KCNH5: variants seen among roughly 807,000 people sequenced by gnomAD.
KCNH5 encodes voltage-gated delayed rectifier potassium channel KCNH5.
Under a neutral mutation model 96.1 loss-of-function variants are expected in KCNH5, and 46 were observed. That is an observed-to-expected ratio of 0.48 (90% CI 0.38 to 0.61). The LOEUF is 0.61. Among genes scored for constraint, KCNH5 ranks in the 20% least tolerant of loss-of-function variants. KCNH5 has a pLI of 0.00. For missense variants in KCNH5, 907 were observed against 1,225.8 expected (o/e 0.74, Z 3.88); for synonymous variants, 439 against 449.8 (o/e 0.98, Z 0.30).
intron 7 of KCNH5, among the ~76,000 whole-genome samples, chr14:62,888,208 A>C (rs1366353097): frequency 6.6e-6 from 1 of 152,214 alleles, no homozygotes; most frequent in African/African-American, 2.4e-5. Flanking sequence ...AATGAAGTTT[A>C]ATTTTATCTT....
chr14:62,816,410 T>C (rs2140012497), intron 8 of KCNH5, among the ~76,000 whole-genome samples: 1 of 152,068 alleles, frequency 6.6e-6, no homozygotes, highest in Admixed American at 6.6e-5. Flanking sequence ...GAGTACAAGC[T>C]CTTCCTTTCA....
chr14:62,868,122 G>A (rs1888172064), intron 7 of KCNH5, among the ~76,000 whole-genome samples: 1 of 152,170 alleles, frequency 6.6e-6, no homozygotes, highest in African/African-American at 2.4e-5. Flanking sequence ...TGAGTGAGGG[G>A]GTAAATCCTG....
chr14:62,790,513 T>C (rs1053476482), intron 9 of KCNH5, among the ~76,000 whole-genome samples: 1 of 151,838 alleles, frequency 6.6e-6, no homozygotes, highest in Non-Finnish European at 1.5e-5. Context: ...TTAACAATAT[T>C]AATTCTTATA....
At chr14:62,741,743 C>T (rs1044494286) in intron 10 of KCNH5, among the ~76,000 whole-genome samples, 14 of 152,112 alleles carry the variant, frequency 9.2e-5, no homozygotes, top group Non-Finnish European at 1.8e-4. Context: ...CCTGAAAATA[C>T]ACAGTAATGG....
intron 10 of KCNH5, among the ~76,000 whole-genome samples, chr14:62,765,215 T>C (rs1230798556): frequency 6.6e-6 from 1 of 152,018 alleles, no homozygotes; most frequent in Non-Finnish European, 1.5e-5. Context: ...CAGTTATAAA[T>C]CCACACACCT....
At chr14:62,850,338 AT>A (rs1887779875) in intron 7 of KCNH5, among the ~76,000 whole-genome samples, 1 of 152,152 alleles carries the variant, frequency 6.6e-6, no homozygotes, top group Non-Finnish European at 1.5e-5. Context: ...GGTTATAAAT[AT>A]TTTTGACAGA....
intron 3 of KCNH5, among the ~76,000 whole-genome samples, chr14:63,004,637 C>T (rs567701277): frequency 1.3e-5 from 2 of 152,322 alleles, no homozygotes; most frequent in African/African-American, 2.4e-5. Flanking sequence ...CAGGGTCTTG[C>T]TCTGTCACCC....
intron 7 of KCNH5, among the ~76,000 whole-genome samples, chr14:62,875,287 A>G (rs1291603092): frequency 1.3e-5 from 2 of 151,868 alleles, no homozygotes; most frequent in African/African-American, 4.8e-5. Flanking sequence ...TATAGATTCA[A>G]TGCCATCCCC....
chr14:62,927,708 G>A (rs1889502924), intron 7 of KCNH5, among the ~76,000 whole-genome samples: 1 of 152,080 alleles, frequency 6.6e-6, no homozygotes, highest in African/African-American at 2.4e-5. Context: ...AAAGTCGGAT[G>A]GTGGTCTCCA....
At chr14:62,780,867 T>C (rs1484200188) in intron 9 of KCNH5, among the ~76,000 whole-genome samples, 3 of 151,990 alleles carry the variant, frequency 2.0e-5, no homozygotes, top group Admixed American at 1.3e-4. Flanking sequence ...AGTTTTAAAG[T>C]GAAAAAGACA....
intron 7 of KCNH5, among the ~76,000 whole-genome samples, chr14:62,909,296 C>T (rs1889103925): frequency 6.6e-6 from 1 of 151,744 alleles, no homozygotes; most frequent in Non-Finnish European, 1.5e-5. Flanking sequence ...CCGCCCGCCT[C>T]GGCCTCCCAA....
intron 7 of KCNH5, among the ~76,000 whole-genome samples, chr14:62,919,286 T>C (rs1445471294): frequency 6.6e-6 from 1 of 152,134 alleles, no homozygotes; most frequent in Non-Finnish European, 1.5e-5. Flanking sequence ...ATTTTTACAA[T>C]CAGAGAAAAT....
intron 6 of KCNH5, among the ~76,000 whole-genome samples, chr14:62,968,233 T>G (rs1043449778): frequency 2.6e-5 from 4 of 152,224 alleles, no homozygotes; most frequent in Non-Finnish European, 5.9e-5. Flanking sequence ...ACTCTTACCC[T>G]TTCTCCAAAT....
chr14:62,955,584 A>C (rs1224505647), intron 6 of KCNH5, among the ~76,000 whole-genome samples: 2 of 152,210 alleles, frequency 1.3e-5, no homozygotes, highest in South Asian at 2.1e-4. Flanking sequence ...TCCTTCGTTC[A>C]TTCTGAAAGT....
intron 1 of KCNH5, among the ~76,000 whole-genome samples, chr14:63,039,446 A>G (rs1891782397): frequency 6.6e-6 from 1 of 152,098 alleles, no homozygotes. Context: ...ATAAAATTAA[A>G]GCACTGTTAT....
intron 2 of KCNH5, 109 bp downstream of exon 2, chr14:63,016,722 T>C (rs976644079): frequency 7.7e-6 from 8 of 1,043,228 alleles, no homozygotes. Context: ...TAACATAATT[T>C]TTAACTCTAT....
Position 62,761,972 on chromosome 14 carries a change from A to T in KCNH5, c.2019+17756T>A, listed in dbSNP as rs1389151004. ...CCAGTACTCATTCTTGGCCCCCAGCAGCTCCTGGGGAAGAGGTGAGTTAAA... is the reference window on the plus strand; with the variant it reads ...CCAGTACTCATTCTTGGCCCCCAGCTGCTCCTGGGGAAGAGGTGAGTTAAA... On this transcript the variant is annotated intron_variant, in intron 10 of 10. Transcript: ENST00000322893. Among the ~76,000 whole-genome samples, 3 of 152,184 alleles carry T rather than the reference A, an allele frequency of 2.0e-5. No homozygotes were observed. The East Asian group carries it at 5.8e-4, about 29-fold the overall frequency.
Position 62,855,167 on chromosome 14 carries a change from G to C in KCNH5, c.1370-5315C>G, listed in dbSNP as rs150700188. Among the ~76,000 whole-genome samples, 637 of 152,120 alleles carry C rather than the reference G, an allele frequency of 4.2e-3. 4 individuals are homozygous for C. The highest frequency in any genetic ancestry group is 0.014 in the African/African-American group (574 of 41,524). On this transcript the variant is annotated intron_variant, in intron 7 of 10. Coordinates refer to ENST00000322893, the MANE Select transcript of KCNH5 (RefSeq NM_139318.5). ...GAAGAATAAAGGCCCCTGGCCAATA[G>C]CTTTGGCTGAACTCCCAGCTAAGCA...
At chr14:62,981,858 A>C (rs775248483) in intron 5 of KCNH5, among the ~76,000 whole-genome samples, 6 of 152,218 alleles carry the variant, frequency 3.9e-5, no homozygotes, top group Non-Finnish European at 7.3e-5. Context: ...AATTTCCTTT[A>C]GGGAAAAAAA....
Sources: gnomAD v4.1 joint callset for allele counts (sites outside exome capture counted in the v4.1 genomes callset) on GRCh38, gnomAD v4.1.1 for gene constraint, MANE v1.5 for transcripts, NCBI Gene and HGNC (gene_info 2026-07-23, HGNC 2026-07-21) for gene names.